The following CTNNA3 variants were observed in gnomAD, a reference collection of about 807,000 sequenced individuals.
The protein encoded by CTNNA3 is catenin alpha-3.
In CTNNA3, 76 loss-of-function variants were observed where a neutral mutation model predicts 95.7. That is an observed-to-expected ratio of 0.79 (90% CI 0.66 to 0.96). The LOEUF (loss-of-function observed/expected upper bound fraction) is 0.96, where lower values mean the gene tolerates loss of function less well. Ranked by LOEUF, CTNNA3 falls within the 40% of genes least tolerant of loss-of-function variation. The pLI is 0.00. For synonymous variants in CTNNA3, 431 were observed against 374.4 expected (o/e 1.15, Z -1.74); for missense variants, 1,191 against 1,089.8 (o/e 1.09, Z -1.31).
intron 15 of CTNNA3, among the ~76,000 whole-genome samples, chr10:65,995,924 C>A (rs1333091597): frequency 6.6e-6 from 1 of 152,116 alleles, no homozygotes; most frequent in Non-Finnish European, 1.5e-5. Flanking sequence ...TGTCATTAGG[C>A]CTCCTCCATT....
intron 1 of CTNNA3, among the ~76,000 whole-genome samples, chr10:67,656,187 T>C (rs894222108): frequency 2.0e-5 from 3 of 152,174 alleles, no homozygotes; most frequent in Non-Finnish European, 4.4e-5. Context: ...CACCTTCTAC[T>C]CTCTTGGTAA....
At chr10:67,705,796 AG>A (rs1429378975) in intron 1 of CTNNA3, among the ~76,000 whole-genome samples, 2 of 151,276 alleles carry the variant, frequency 1.3e-5, no homozygotes, top group African/African-American at 4.9e-5. Flanking sequence ...AAAAAAAAAA[AG>A]AAAGAAAGAA....
intron 7 of CTNNA3, among the ~76,000 whole-genome samples, chr10:66,912,738 T>C (rs1846274343): frequency 6.6e-6 from 1 of 152,114 alleles, no homozygotes. Context: ...CAGGTTGGTC[T>C]AGGCTAAAAG....
At chr10:67,407,014 A>G (rs575739512) in intron 5 of CTNNA3, among the ~76,000 whole-genome samples, 1 of 152,254 alleles carries the variant, frequency 6.6e-6, no homozygotes, top group African/African-American at 2.4e-5. Context: ...TACCATTCCT[A>G]TTGAAACTAT....
chr10:66,180,535 T>C (rs1370863353), intron 13 of CTNNA3, among the ~76,000 whole-genome samples: 1 of 152,088 alleles, frequency 6.6e-6, no homozygotes. Context: ...CAAAACCAAT[T>C]TCTCCCAGAA....
chr10:67,527,986 T>C (rs1840201564), intron 4 of CTNNA3, among the ~76,000 whole-genome samples: 1 of 152,216 alleles, frequency 6.6e-6, no homozygotes. Context: ...ATTCTGCTCA[T>C]TAAACAAAGC....
At chr10:66,199,807 T>A (rs1273720597) in intron 13 of CTNNA3, among the ~76,000 whole-genome samples, 515 of 14,610 alleles carry the variant, frequency 0.035, 4 homozygotes, top group Middle Eastern at 0.071. Context: ...ATATATATAT[T>A]TTTTTTTTTT....
intron 5 of CTNNA3, among the ~76,000 whole-genome samples, chr10:67,482,040 T>C (rs966310799): frequency 6.6e-6 from 1 of 152,048 alleles, no homozygotes; most frequent in South Asian, 2.1e-4. Context: ...CTCAGGTTTG[T>C]CAAAGATCAG....
chr10:66,174,428 A>C (rs1016278366), intron 13 of CTNNA3, among the ~76,000 whole-genome samples: 1 of 152,120 alleles, frequency 6.6e-6, no homozygotes, highest in Admixed American at 6.6e-5. Flanking sequence ...TCAAGATTTA[A>C]ATTATGTGCA....
intron 10 of CTNNA3, among the ~76,000 whole-genome samples, chr10:66,553,326 T>C (rs1842279608): frequency 6.8e-6 from 1 of 146,450 alleles, no homozygotes; most frequent in South Asian, 2.1e-4. Flanking sequence ...ATACACTTTA[T>C]ACTCTATATT....
rs371002177 is a variant in CTNNA3, at chr10:67,675,484, A to C, written c.-6+20516T>G. ...AGGCCACTTGGAGCATATTCTTCTC[A>C]TGAACAGAAACACAAGATGGGCAAA... On this transcript the variant is annotated intron_variant, in intron 1 of 17. Coordinates refer to ENST00000433211, the MANE Select transcript of CTNNA3 (RefSeq NM_013266.4). 1.3e-4 allele frequency among the ~76,000 whole-genome samples: 20 copies of C among 152,218 alleles called. No homozygotes were observed. The South Asian group carries it at 3.9e-3, about 30-fold the overall frequency.
At chr10:67,726,672 A>G (rs1355741382) in intron 1 of CTNNA3, among the ~76,000 whole-genome samples, 2 of 272 alleles carry the variant, frequency 7.4e-3, no homozygotes, top group Admixed American at 0.045. Flanking sequence ...TATTATATTA[A>G]TTATATAATA....
chr10:67,307,590 A>C (rs1372696838), intron 5 of CTNNA3, among the ~76,000 whole-genome samples: 1 of 152,206 alleles, frequency 6.6e-6, no homozygotes, highest in Non-Finnish European at 1.5e-5. Flanking sequence ...AATTTCATGA[A>C]GGAAAACATC....
intron 1 of CTNNA3, among the ~76,000 whole-genome samples, chr10:67,688,488 T>C (rs1297685546): frequency 1.3e-5 from 2 of 152,200 alleles, no homozygotes; most frequent in African/African-American, 4.8e-5. Flanking sequence ...ATAAGGTATT[T>C]CACTCCATTT....
chr10:67,155,606 T>C (rs1180158910), intron 7 of CTNNA3, among the ~76,000 whole-genome samples: 1 of 152,062 alleles, frequency 6.6e-6, no homozygotes, highest in African/African-American at 2.4e-5. Context: ...CATTGGGATA[T>C]GTTGTTTATT....
intron 5 of CTNNA3, among the ~76,000 whole-genome samples, chr10:67,515,709 A>G (rs1839790486): frequency 6.6e-6 from 1 of 152,226 alleles, no homozygotes; most frequent in Non-Finnish European, 1.5e-5. Flanking sequence ...CTTAAAAGGA[A>G]TAATTCAATC....
intron 10 of CTNNA3, among the ~76,000 whole-genome samples, chr10:66,536,869 A>ACT (rs977739670): frequency 6.6e-6 from 1 of 151,938 alleles, no homozygotes; most frequent in East Asian, 1.9e-4. Flanking sequence ...TCTCTGTCAA[A>ACT]CTCTCTCTCT....
chr10:66,964,192 T>G lies in CTNNA3; in HGVS notation c.1048-188668A>C, dbSNP rs75267972. ...CACAGTAACATCGTAGGAAAAACTTTGTCACACTGCTTTGGGATTCAGCAC... is the reference window on the plus strand; with the variant it reads ...CACAGTAACATCGTAGGAAAAACTTGGTCACACTGCTTTGGGATTCAGCAC... On this transcript the variant is annotated intron_variant, in intron 7 of 17. Transcript: ENST00000433211. Among the ~76,000 whole-genome samples, 630 of 152,184 alleles carry G rather than the reference T, an allele frequency of 4.1e-3. 34 individuals carry two copies. The East Asian group carries it at 0.1, about 25-fold the overall frequency.
At chr10:67,306,180 C>A (rs1285562802) in intron 5 of CTNNA3, among the ~76,000 whole-genome samples, 1 of 152,006 alleles carries the variant, frequency 6.6e-6, no homozygotes, top group African/African-American at 2.4e-5. Flanking sequence ...AATTATAGAG[C>A]CCAGGGAAAG....
Sources: gnomAD v4.1 joint callset for allele counts (sites outside exome capture counted in the v4.1 genomes callset) on GRCh38, gnomAD v4.1.1 for gene constraint, MANE v1.5 for transcripts, NCBI Gene and HGNC (gene_info 2026-07-23, HGNC 2026-07-21) for gene names.